The following APBA2 variants were observed in gnomAD, a reference collection of about 807,000 sequenced individuals.
The protein encoded by APBA2 is amyloid beta precursor protein binding family A member 2.
In APBA2, 30 loss-of-function variants were observed where a neutral mutation model predicts 75.0. That is an observed-to-expected ratio of 0.40 (90% CI 0.30 to 0.54). The LOEUF is 0.54. APBA2 is among the 20% of genes least tolerant of loss of function. The pLI, the probability that APBA2 is intolerant of heterozygous loss-of-function variation, is 0.49. For missense variants in APBA2, 801 were observed against 1,016.1 expected (o/e 0.79, Z 2.88); for synonymous variants, 444 against 409.6 (o/e 1.08, Z -1.01).
intron 1 of APBA2, among the ~76,000 whole-genome samples, chr15:28,895,928 G>A (rs867087258): frequency 1.3e-5 from 2 of 152,054 alleles, no homozygotes; most frequent in African/African-American, 4.8e-5. Flanking sequence ...CCTGGGTAAC[G>A]TAAGGAGACC....
At chr15:29,049,668 C>T (rs2041504538) in intron 3 of APBA2, among the ~76,000 whole-genome samples, 1 of 152,184 alleles carries the variant, frequency 6.6e-6, no homozygotes, top group African/African-American at 2.4e-5. Flanking sequence ...AAAATCCTCT[C>T]CCACTGTATC....
At chr15:28,956,819 T>TAGG (rs2036194593) in intron 2 of APBA2, among the ~76,000 whole-genome samples, 1 of 152,196 alleles carries the variant, frequency 6.6e-6, no homozygotes, top group African/African-American at 2.4e-5. Context: ...AGCAATTGTA[T>TAGG]AGGATTTATA....
At chr15:29,074,013 A>G (rs1445635556) in intron 4 of APBA2, among the ~76,000 whole-genome samples, 1 of 152,070 alleles carries the variant, frequency 6.6e-6, no homozygotes, top group Non-Finnish European at 1.5e-5. Context: ...TTTTAAAAAT[A>G]TGGCTTTTAA....
chr15:28,924,218 T>G (rs142799726), intron 2 of APBA2, among the ~76,000 whole-genome samples: 1 of 152,100 alleles, frequency 6.6e-6, no homozygotes, highest in African/African-American at 2.4e-5. Context: ...CAGTTTCTCA[T>G]GATGAGATAT....
chr15:29,092,273 T>C (rs1595941945), intron 6 of APBA2, among the ~76,000 whole-genome samples: 1 of 152,314 alleles, frequency 6.6e-6, no homozygotes, highest in East Asian at 1.9e-4. Flanking sequence ...TGGAGCCTTA[T>C]TGTCTGGCAT....
chr15:29,063,564 T>C (rs2042243704), intron 4 of APBA2, among the ~76,000 whole-genome samples: 1 of 138,686 alleles, frequency 7.2e-6, no homozygotes, highest in African/African-American at 2.7e-5. Context: ...GGTCAGTGTC[T>C]GTATGGGTGG....
At chr15:28,946,392 T>C (rs145845841) in intron 2 of APBA2, among the ~76,000 whole-genome samples, 9 of 152,236 alleles carry the variant, frequency 5.9e-5, no homozygotes, top group African/African-American at 2.2e-4. Flanking sequence ...GAAGTGGAGA[T>C]TGAAGTGATG....
At chr15:28,898,908 C>G (rs2032674907) in intron 1 of APBA2, among the ~76,000 whole-genome samples, 1 of 152,162 alleles carries the variant, frequency 6.6e-6, no homozygotes, top group African/African-American at 2.4e-5. Flanking sequence ...GGTATGTAAA[C>G]CCGAGTAGGA....
intron 2 of APBA2, among the ~76,000 whole-genome samples, chr15:28,950,977 C>A (rs1385408967): frequency 6.6e-6 from 1 of 152,158 alleles, no homozygotes; most frequent in Non-Finnish European, 1.5e-5. Context: ...TTAGAGAGAT[C>A]CCTACCTTTT....
At chr15:29,087,313 G>C (rs2043333241) in intron 6 of APBA2, among the ~76,000 whole-genome samples, 1 of 152,076 alleles carries the variant, frequency 6.6e-6, no homozygotes, top group African/African-American at 2.4e-5. Flanking sequence ...TCTCCCCACT[G>C]CAAGGGTTAG....
At chr15:29,009,888 A>T (rs1044721568) in intron 3 of APBA2, among the ~76,000 whole-genome samples, 3 of 152,180 alleles carry the variant, frequency 2.0e-5, no homozygotes, top group African/African-American at 4.8e-5. Context: ...TTTGTTGTAC[A>T]CATGATTGCA....
At chr15:28,926,642 T>C (rs1353032308) in intron 2 of APBA2, among the ~76,000 whole-genome samples, 1 of 152,134 alleles carries the variant, frequency 6.6e-6, no homozygotes, top group Non-Finnish European at 1.5e-5. Flanking sequence ...TAGATCCAAG[T>C]TTTCAACCTA....
intron 2 of APBA2, among the ~76,000 whole-genome samples, chr15:28,951,742 A>C (rs2035886589): frequency 6.6e-6 from 1 of 151,748 alleles, no homozygotes; most frequent in South Asian, 2.1e-4. Context: ...GTGCCACCAC[A>C]CCCAGCTAAT....
In APBA2 at chr15:28,930,407, C is replaced by T. The variant is rs141130191; in HGVS notation, c.-95+8658C>T. The stretch of plus-strand genomic sequence containing the variant: ...GCTCAAATGAACATTCCAGGCAGGC[C>T]CTGGAGCTTTCTGTCGTTCTAAGGC... On this transcript the variant is annotated intron_variant, in intron 2 of 14. Coordinates refer to ENST00000683413, the MANE Select transcript of APBA2 (RefSeq NM_001353788.2). Among the ~76,000 whole-genome samples the T allele has an allele frequency of 2.8e-4, 43 of 152,196 alleles. No individual in the cohort carries two copies. The East Asian group carries it at 8.3e-3, about 29-fold the overall frequency.
At chr15:29,116,711 T>A (rs1376461155) in intron 14 of APBA2, among the ~76,000 whole-genome samples, 1 of 151,878 alleles carries the variant, frequency 6.6e-6, no homozygotes, top group African/African-American at 2.4e-5. Flanking sequence ...CCTCGCAGTT[T>A]CTGCCGAGGC....
intron 2 of APBA2, among the ~76,000 whole-genome samples, chr15:28,933,624 C>T (rs754280767): frequency 1.1e-4 from 16 of 152,344 alleles, no homozygotes; most frequent in East Asian, 1.9e-4. Context: ...CACACTGGCT[C>T]GGATTTTCAG....
chr15:29,030,726 AGTATGT>A (rs1444572573), intron 3 of APBA2, among the ~76,000 whole-genome samples: 4 of 123,856 alleles, frequency 3.2e-5, no homozygotes, highest in African/African-American at 1.2e-4. Flanking sequence ...AACCCATGTG[AGTATGT>A]GTGTGTGTGT....
chr15:28,958,789 G>A (rs966500026), intron 2 of APBA2, among the ~76,000 whole-genome samples: 1 of 151,242 alleles, frequency 6.6e-6, no homozygotes, highest in African/African-American at 2.5e-5. Flanking sequence ...AAGCAGGAGG[G>A]TCGTTGTTTT....
chr15:29,115,781 C>T (rs942695001), intron 14 of APBA2, among the ~76,000 whole-genome samples: 4 of 152,214 alleles, frequency 2.6e-5, no homozygotes, highest in African/African-American at 7.2e-5. Context: ...CGGAAACCTA[C>T]ATCGGCCACA....
Sources: gnomAD v4.1 joint callset for allele counts (sites outside exome capture counted in the v4.1 genomes callset) on GRCh38, gnomAD v4.1.1 for gene constraint, MANE v1.5 for transcripts, NCBI Gene and HGNC (gene_info 2026-07-23, HGNC 2026-07-21) for gene names.